The following TAFA2 variants were observed in gnomAD, a reference collection of about 807,000 sequenced individuals.
TAFA2 encodes the protein chemokine-like protein TAFA-2.
In TAFA2, 7 loss-of-function variants were observed where a neutral mutation model predicts 18.8. The observed-to-expected ratio is 0.37, with a 90% CI of 0.21 to 0.70. The LOEUF (loss-of-function observed/expected upper bound fraction) is 0.70, where lower values mean the gene tolerates loss of function less well. Ranked by LOEUF, TAFA2 falls within the 30% of genes least tolerant of loss-of-function variation. TAFA2 has a pLI of 0.53. For synonymous variants in TAFA2, 60 were observed against 54.2 expected (o/e 1.11, Z -0.47); for missense variants, 122 against 158.1 (o/e 0.77, Z 1.23).
At chr12:62,205,710 G>A (rs2062688989) in intron 1 of TAFA2, among the ~76,000 whole-genome samples, 1 of 152,152 alleles carries the variant, frequency 6.6e-6, no homozygotes, top group Non-Finnish European at 1.5e-5. Context: ...GACTGGAGTG[G>A]CCATAATGAC....
At chr12:62,149,528 T>A (rs1264686362) in intron 1 of TAFA2, among the ~76,000 whole-genome samples, 1 of 149,802 alleles carries the variant, frequency 6.7e-6, no homozygotes, top group Non-Finnish European at 1.5e-5. Flanking sequence ...AAAATAAACA[T>A]TTGCTATATG....
chr12:62,098,748 A>G (rs1471254308), intron 1 of TAFA2, among the ~76,000 whole-genome samples: 1 of 152,198 alleles, frequency 6.6e-6, no homozygotes, highest in African/African-American at 2.4e-5. Flanking sequence ...TCTTCAGTGT[A>G]ATGATCTGAT....
At chr12:61,736,195 C>T (rs1046037684) in intron 4 of TAFA2, among the ~76,000 whole-genome samples, 1 of 151,962 alleles carries the variant, frequency 6.6e-6, no homozygotes, top group Non-Finnish European at 1.5e-5. Context: ...ATAATTGCCT[C>T]CATGGGTTAA....
intron 2 of TAFA2, among the ~76,000 whole-genome samples, chr12:61,782,470 G>C (rs1258281560): frequency 6.6e-6 from 1 of 151,472 alleles, no homozygotes; most frequent in Non-Finnish European, 1.5e-5. Flanking sequence ...CACCTTTCTG[G>C]ACTGAACCAA....
intron 1 of TAFA2, among the ~76,000 whole-genome samples, chr12:61,900,238 G>T (rs1446365058): frequency 6.6e-6 from 1 of 152,090 alleles, no homozygotes; most frequent in Non-Finnish European, 1.5e-5. Flanking sequence ...AAAATTATTG[G>T]TCATAGGGAA....
intron 2 of TAFA2, among the ~76,000 whole-genome samples, chr12:61,830,350 TATATATACATATACATAC>T (rs1451837794): frequency 1.6e-4 from 24 of 151,324 alleles, no homozygotes; most frequent in African/African-American, 3.6e-4. Flanking sequence ...CATACACACA[TATATATACATATACATAC>T]ATATATACAT....
intron 1 of TAFA2, among the ~76,000 whole-genome samples, chr12:62,110,703 C>T (rs1869689055): frequency 7.1e-6 from 1 of 140,960 alleles, no homozygotes; most frequent in Admixed American, 7.8e-5. Context: ...TCAACTTCTT[C>T]CTGGTTTAGT....
intron 2 of TAFA2, among the ~76,000 whole-genome samples, chr12:61,842,943 T>C (rs1326224889): frequency 6.6e-6 from 1 of 152,030 alleles, no homozygotes; most frequent in East Asian, 1.9e-4. Context: ...TCACTGTATA[T>C]GCTTAAGAGA....
At chr12:62,123,243 G>T (rs1224869407) in intron 1 of TAFA2, among the ~76,000 whole-genome samples, 2 of 152,090 alleles carry the variant, frequency 1.3e-5, no homozygotes, top group Non-Finnish European at 2.9e-5. Flanking sequence ...TATAGCACTA[G>T]AAGCTCAATA....
intron 1 of TAFA2, among the ~76,000 whole-genome samples, chr12:61,891,373 G>A (rs1038014392): frequency 2.0e-4 from 31 of 152,228 alleles, no homozygotes; most frequent in African/African-American, 5.8e-4. Flanking sequence ...AGGGCTGCGC[G>A]CAGTGGCTCA....
In TAFA2 at chr12:61,754,720, A is replaced by C. The variant is rs75557480; in HGVS notation, c.259+152T>G. On this transcript the variant is annotated intron_variant, in intron 3 of 4. Coordinates refer to ENST00000416284, the MANE Select transcript of TAFA2 (RefSeq NM_178539.5). The stretch of plus-strand genomic sequence containing the variant: ...TCTTTCCAGAGGATTTTAGATTTCA[A>C]AATGCCACCCAAATATTCTAGTTTC... 1,209 of 719,392 alleles carry C rather than the reference A, an allele frequency of 1.7e-3. 6 individuals are homozygous for C. The African/African-American group carries it at 0.019, about 12-fold the overall frequency. The allele number at this position is 719,392 out of a possible 1,614,324, so 44.6% of individuals were successfully genotyped here.
At chr12:61,740,194 A>G (rs1208908286) in intron 4 of TAFA2, among the ~76,000 whole-genome samples, 1 of 152,022 alleles carries the variant, frequency 6.6e-6, no homozygotes, top group African/African-American at 2.4e-5. Context: ...TAAGTGTAAA[A>G]TATGTTTGTC....
chr12:61,878,321 C>A lies in TAFA2; in HGVS notation c.-1-10895G>T, dbSNP rs185799199. Among the ~76,000 whole-genome samples, 6 of 152,138 alleles carry A rather than the reference C, an allele frequency of 3.9e-5. 1 individual carries two copies. Among genetic ancestry groups the A allele is most frequent in the African/African-American group, 1.2e-4 (5 of 41,528 alleles). The stretch of plus-strand genomic sequence containing the variant: ...TAAACTTTATGTTATGTCTATTTTA[C>A]AACAATAAAAATGAAGAAAAACAGA... On this transcript the variant is annotated intron_variant, in intron 1 of 4. Coordinates refer to ENST00000416284, the MANE Select transcript of TAFA2 (RefSeq NM_178539.5).
rs552634253 is a variant in TAFA2 at position 61,880,314 on chromosome 12, T to G, written c.-1-12888A>C. 8.8e-4 allele frequency: 426 copies of G among 482,776 alleles called. 3 individuals carry two copies. Among genetic ancestry groups the G allele is most frequent in the African/African-American group, 8.2e-3 (414 of 50,778 alleles). 29.9% of individuals were successfully genotyped at this position (482,776 alleles called of 1,614,324 possible). A position where few individuals can be genotyped will look rare whatever the true frequency, so the allele number is the denominator to read the frequency against. ...GGCCTCAAAGGCCAGAGGGCTTCCC[T>G]GGAGGCCACCATCACAGATGCCGAG... On this transcript the variant is annotated intron_variant, in intron 1 of 4. Coordinates refer to ENST00000416284, the MANE Select transcript of TAFA2 (RefSeq NM_178539.5).
chr12:62,190,216 C>T (rs1338845020), intron 1 of TAFA2, among the ~76,000 whole-genome samples: 3 of 152,068 alleles, frequency 2.0e-5, no homozygotes, highest in Non-Finnish European at 4.4e-5. Flanking sequence ...ATAGGGAAGC[C>T]TCGCGTCCAC....
At chr12:61,827,824 T>C (rs1439613255) in intron 2 of TAFA2, among the ~76,000 whole-genome samples, 1 of 151,968 alleles carries the variant, frequency 6.6e-6, no homozygotes, top group Non-Finnish European at 1.5e-5. Context: ...TGTGGAACAT[T>C]CTTTGGGGAA....
At chr12:62,233,590 G>A (rs541059341) in intron 1 of TAFA2, among the ~76,000 whole-genome samples, 2 of 152,264 alleles carry the variant, frequency 1.3e-5, no homozygotes, top group South Asian at 2.1e-4. Context: ...CCCTACCCAC[G>A]AGGCTGTGTG....
chr12:61,784,808 C>G (rs1565632681), intron 2 of TAFA2, among the ~76,000 whole-genome samples: 2 of 148,208 alleles, frequency 1.3e-5, no homozygotes, highest in Non-Finnish European at 3.0e-5. Flanking sequence ...TCTCTCTTTT[C>G]CTCTTCATTT....
At chr12:62,149,424 T>G (rs896168094) in intron 1 of TAFA2, among the ~76,000 whole-genome samples, 138 of 151,986 alleles carry the variant, frequency 9.1e-4, no homozygotes, top group African/African-American at 3.0e-3. Context: ...TTGCTCTCTC[T>G]CCCACATTCT....
Sources: allele counts gnomAD v4.1 joint callset (sites outside exome capture counted in the v4.1 genomes callset), GRCh38; gene constraint gnomAD v4.1.1; transcripts MANE v1.5; gene names NCBI Gene and HGNC (gene_info 2026-07-23, HGNC 2026-07-21).